Variants in PPME1 observed in about 807,000 individuals in gnomAD.
PPME1 encodes the protein testicular secretory protein Li 39.
In PPME1, 17 loss-of-function variants were observed where a neutral mutation model predicts 56.9. The ratio of observed to expected loss-of-function variants is 0.30; its 90% confidence interval spans 0.20 to 0.45. The LOEUF (loss-of-function observed/expected upper bound fraction) is 0.45, where lower values mean the gene tolerates loss of function less well. Among genes scored for constraint, PPME1 ranks in the 20% least tolerant of loss-of-function variants. PPME1 has a pLI of 1.00. For synonymous variants in PPME1, 122 were observed against 156.2 expected (o/e 0.78, Z 1.63); for missense variants, 357 against 483.2 (o/e 0.74, Z 2.45).
At chr11:74,199,914 A>T (rs984318224) in intron 1 of PPME1, among the ~76,000 whole-genome samples, 3 of 152,174 alleles carry the variant, frequency 2.0e-5, no homozygotes, top group African/African-American at 7.2e-5. Flanking sequence ...AGTATAGGGG[A>T]AACTGCCCCC....
At chr11:74,175,367 G>A (rs960411863) in intron 1 of PPME1, among the ~76,000 whole-genome samples, 1 of 152,066 alleles carries the variant, frequency 6.6e-6, no homozygotes. Flanking sequence ...CTGGCGTGGT[G>A]GCACATGCCT....
chr11:74,172,961 A>AT lies in PPME1; in HGVS notation c.101+1440dup, dbSNP rs1440098600. ...GTCCTAGGGATGAAAAGAAAGGAGA[A>AT]TCCTATAAAACAGTGGGGTAAAGGA... On this transcript the variant is annotated intron_variant, in intron 1 of 13. Transcript: ENST00000328257. 5.9e-5 allele frequency among the ~76,000 whole-genome samples: 9 copies of AT among 152,294 alleles called. No individual in the cohort carries two copies. In the East Asian group the frequency reaches 1.7e-3, roughly 29 times the overall value.
At chr11:74,191,432 C>T (rs1857834241) in intron 1 of PPME1, among the ~76,000 whole-genome samples, 1 of 152,176 alleles carries the variant, frequency 6.6e-6, no homozygotes, top group Non-Finnish European at 1.5e-5. Context: ...GAAGAGGAAT[C>T]CAGGAGGGCT....
intron 3 of PPME1, among the ~76,000 whole-genome samples, chr11:74,208,511 CA>C (rs1197062873): frequency 1.3e-5 from 2 of 152,052 alleles, no homozygotes; most frequent in Admixed American, 6.5e-5. Flanking sequence ...CACATGTATA[CA>C]AAAAATACAG....
At chr11:74,194,811 A>T (rs954417911) in intron 1 of PPME1, among the ~76,000 whole-genome samples, 5 of 152,148 alleles carry the variant, frequency 3.3e-5, no homozygotes, top group African/African-American at 1.2e-4. Context: ...TCCCTTTCTC[A>T]TGAAGCTGAT....
At chr11:74,225,102 G>T (rs980722999) in intron 4 of PPME1, 103 bp from the exon 5 acceptor site, 1 of 706,272 alleles carries the variant, frequency 1.4e-6, no homozygotes, top group Non-Finnish European at 2.2e-6. Context: ...AAATTGTGAA[G>T]TCCCTAATCC....
intron 9 of PPME1, among the ~76,000 whole-genome samples, chr11:74,244,022 ATATAT>A (rs1218211936): frequency 2.0e-5 from 3 of 152,176 alleles, no homozygotes; most frequent in Admixed American, 1.3e-4. Context: ...AAGTGGGATC[ATATAT>A]TATATGTCTT....
At chr11:74,182,308 T>C (rs1035365322) in intron 1 of PPME1, among the ~76,000 whole-genome samples, 2 of 152,196 alleles carry the variant, frequency 1.3e-5, no homozygotes, top group East Asian at 1.9e-4. Context: ...AATGGAAACT[T>C]ACTGTATTTC....
At chr11:74,218,486 C>T (rs1010182541) in intron 3 of PPME1, among the ~76,000 whole-genome samples, 1 of 152,160 alleles carries the variant, frequency 6.6e-6, no homozygotes, top group African/African-American at 2.4e-5. Context: ...AATAACATTA[C>T]CTGACTTCAG....
rs1475515319 is a variant in PPME1 at position 74,204,370 on chromosome 11, G to A, written c.213G>A (p.Lys71=). 2 of 1,612,608 alleles carry A rather than the reference G, an allele frequency of 1.2e-6. No homozygotes were observed. The highest frequency in any genetic ancestry group is 2.7e-5 in the African/African-American group (2 of 74,896). ...ETGKDTFRVY[K]SGSEGPVLLL... is the part of the protein sequence containing the mutation. ...ATTCATACACTTTTCGAGTCTACAA[G>A]AGTGGTTCAGAGGGTCCAGTCCTGC... The change falls in exon 3 of 14, where the codon AAG becomes AAA. Residue 71 remains lysine, a synonymous_variant. Coordinates refer to ENST00000328257, the MANE Select transcript of PPME1 (RefSeq NM_016147.3).
At chr11:74,184,137 TATA>T (rs1167911912) in intron 1 of PPME1, among the ~76,000 whole-genome samples, 1 of 152,242 alleles carries the variant, frequency 6.6e-6, no homozygotes, top group East Asian at 1.9e-4. Flanking sequence ...ATTAAATTTG[TATA>T]ATGCTTATAA....
At chr11:74,217,341 A>G (rs1026845100) in intron 3 of PPME1, among the ~76,000 whole-genome samples, 3 of 152,074 alleles carry the variant, frequency 2.0e-5, no homozygotes, top group African/African-American at 4.8e-5. Flanking sequence ...CAGGAGTTCA[A>G]GATCAGCCTG....
chr11:74,182,231 T>C lies in PPME1; in HGVS notation c.101+10709T>C, dbSNP rs1489620944. ...AATGTAGATAATAATGCTAGCCTCA[T>C]AGAATTTTTGAGGAGAAAATGAGAT... On this transcript the variant is annotated intron_variant, in intron 1 of 13. Transcript: ENST00000328257. Among the ~76,000 whole-genome samples, 7 of 152,338 alleles carry C rather than the reference T, an allele frequency of 4.6e-5. No individual in the cohort carries two copies. The East Asian group carries it at 9.6e-4, about 21-fold the overall frequency.
At chr11:74,227,808 C>A (rs951457407) in intron 5 of PPME1, among the ~76,000 whole-genome samples, 21 of 151,990 alleles carry the variant, frequency 1.4e-4, no homozygotes, top group Non-Finnish European at 2.5e-4. Flanking sequence ...ATTTTAATAA[C>A]AATAAATTTC....
chr11:74,171,890 C>T (rs1430806552), intron 1 of PPME1, among the ~76,000 whole-genome samples: 1 of 152,022 alleles, frequency 6.6e-6, no homozygotes, highest in African/African-American at 2.4e-5. Flanking sequence ...TGGGGAATGA[C>T]TGAGAGAAAA....
At chr11:74,197,787 C>T (rs936724819) in intron 1 of PPME1, among the ~76,000 whole-genome samples, 3 of 152,072 alleles carry the variant, frequency 2.0e-5, no homozygotes, top group Admixed American at 1.3e-4. Context: ...ATTTGGGATT[C>T]GTAGATAGGT....
intron 13 of PPME1, among the ~76,000 whole-genome samples, chr11:74,252,262 T>G (rs985431915): frequency 6.0e-5 from 9 of 151,208 alleles, no homozygotes; most frequent in East Asian, 1.9e-4. Context: ...TTTTTTTTTT[T>G]TTTTAGTAAA....
At chr11:74,219,152 A>G (rs554658928) in intron 3 of PPME1, among the ~76,000 whole-genome samples, 1 of 152,290 alleles carries the variant, frequency 6.6e-6, no homozygotes, top group South Asian at 2.1e-4. Context: ...ATCACTGATC[A>G]CCAGAGAAAT....
chr11:74,252,015 A>G lies in PPME1; in HGVS notation c.1142+300A>G, dbSNP rs943410359. On this transcript the variant is annotated intron_variant, in intron 13 of 13. Coordinates refer to ENST00000328257, the MANE Select transcript of PPME1 (RefSeq NM_016147.3). ...CCCCTTTGAGGAGGCTGGGATAGGA[A>G]TCAGTCCTTTTCCAGGCTCCTAGAG... 4.6e-5 allele frequency among the ~76,000 whole-genome samples: 7 copies of G among 151,832 alleles called. No individual in the cohort carries two copies. The South Asian group carries it at 1.5e-3, about 32-fold the overall frequency.
Sources: allele counts gnomAD v4.1 joint callset (sites outside exome capture counted in the v4.1 genomes callset), GRCh38; gene constraint gnomAD v4.1.1; transcripts MANE v1.5; gene names NCBI Gene and HGNC (gene_info 2026-07-23, HGNC 2026-07-21).